The following PCDH15 variants were observed in gnomAD, a reference collection of about 807,000 sequenced individuals.
PCDH15 encodes the protein protocadherin-15.
PCDH15 carries 129 observed loss-of-function variants against 178.5 expected under a neutral mutation model. The observed-to-expected ratio is 0.72, with a 90% CI of 0.63 to 0.84. PCDH15 has a LOEUF of 0.84. Ranked by LOEUF, PCDH15 falls within the 40% of genes least tolerant of loss-of-function variation. The pLI, the probability that PCDH15 is intolerant of heterozygous loss-of-function variation, is 0.00. For missense variants in PCDH15, 2,230 were observed against 2,099.9 expected, an observed-to-expected ratio of 1.06 and a Z score of -1.21; for synonymous variants, 800 against 732.0, an observed-to-expected ratio of 1.09 and a Z score of -1.50.
chr10:54,494,893 C>T (rs895380156), intron 3 of PCDH15, among the ~76,000 whole-genome samples: 1 of 152,078 alleles, frequency 6.6e-6, no homozygotes, highest in South Asian at 2.1e-4. Context: ...TTGCTCAATT[C>T]TGGAGGCCCT....
chr10:55,054,247 A>T (rs984352619), intron 2 of PCDH15, among the ~76,000 whole-genome samples: 1 of 152,146 alleles, frequency 6.6e-6, no homozygotes, highest in Admixed American at 6.5e-5. Context: ...TTCATCATTT[A>T]GCTCTCACTT....
At chr10:54,202,577 C>G (rs1232895273) in intron 10 of PCDH15, among the ~76,000 whole-genome samples, 6 of 152,060 alleles carry the variant, frequency 3.9e-5, no homozygotes, top group Non-Finnish European at 8.8e-5. Context: ...CTTTGGGAGG[C>G]TGAGGCAGGT....
At chr10:54,561,011 A>G (rs1185791944) in intron 2 of PCDH15, among the ~76,000 whole-genome samples, 1 of 152,190 alleles carries the variant, frequency 6.6e-6, no homozygotes, top group Non-Finnish European at 1.5e-5. Flanking sequence ...TCACTGGATT[A>G]GAAACTCTGT....
intron 2 of PCDH15, among the ~76,000 whole-genome samples, chr10:55,444,849 T>C (rs1839279759): frequency 6.6e-6 from 1 of 152,134 alleles, no homozygotes; most frequent in Non-Finnish European, 1.5e-5. Flanking sequence ...CAAATATATT[T>C]GCTAGCACTG....
At chr10:53,826,333 C>T (rs970063246) in intron 32 of PCDH15, among the ~76,000 whole-genome samples, 13 of 151,842 alleles carry the variant, frequency 8.6e-5, no homozygotes, top group Admixed American at 7.9e-4. Flanking sequence ...CTAAACAAAA[C>T]CTTGTATAAC....
At chr10:54,816,318 G>T (rs1022293045) in intron 3 of PCDH15, among the ~76,000 whole-genome samples, 3 of 151,948 alleles carry the variant, frequency 2.0e-5, no homozygotes, top group African/African-American at 7.2e-5. Flanking sequence ...GCAGAAAATT[G>T]GTAATGGATA....
intron 2 of PCDH15, among the ~76,000 whole-genome samples, chr10:55,590,876 G>A (rs753493831): frequency 1.9e-4 from 29 of 152,026 alleles, no homozygotes; most frequent in Admixed American, 3.9e-4. Flanking sequence ...ATAGAAGTAA[G>A]CAAGTTTAAT....
chr10:53,932,475 A>G (rs2085148946), intron 25 of PCDH15, among the ~76,000 whole-genome samples: 1 of 152,184 alleles, frequency 6.6e-6, no homozygotes, highest in South Asian at 2.1e-4. Flanking sequence ...TGTCTCAAAC[A>G]TGGATTTGCT....
chr10:53,888,702 T>TA lies in PCDH15; in HGVS notation c.3501+14540dup, dbSNP rs756679531. Among the ~76,000 whole-genome samples, 251 of 46,200 alleles carry TA rather than the reference T, an allele frequency of 5.4e-3. 73 individuals are homozygous for TA. The East Asian group carries it at 0.077, about 14-fold the overall frequency. The allele number at this position is 46,200 out of a possible 152,430, so 30.3% of individuals were successfully genotyped here. ...ATATATATATATATATATATATATA[T>TA]ATCTCCTGTGGAAATTGATAAGCTG... is the stretch of plus-strand genomic sequence containing the variant. On this transcript the variant is annotated intron_variant, in intron 26 of 37. Coordinates refer to ENST00000644397, the MANE Select transcript of PCDH15 (RefSeq NM_001384140.1).
chr10:54,148,779 C>T (rs749786662), intron 14 of PCDH15, among the ~76,000 whole-genome samples: 30 of 151,884 alleles, frequency 2.0e-4, no homozygotes, highest in Admixed American at 2.0e-4. Context: ...TTCTTCCTAA[C>T]ATACCCAGTT....
chr10:53,894,834 A>G (rs1409998590), intron 26 of PCDH15, among the ~76,000 whole-genome samples: 1 of 152,186 alleles, frequency 6.6e-6, no homozygotes, highest in East Asian at 1.9e-4. Flanking sequence ...GCACAGAGTG[A>G]TGGAGCATAA....
intron 1 of PCDH15, among the ~76,000 whole-genome samples, chr10:54,724,707 C>A (rs112285651): frequency 0.12 from 18,432 of 150,804 alleles, 1,250 homozygotes; most frequent in African/African-American, 0.17. Flanking sequence ...ATAAACGACT[C>A]AACAGAAAAG....
chr10:54,819,171 A>G (rs539301518), intron 3 of PCDH15, among the ~76,000 whole-genome samples: 3 of 152,066 alleles, frequency 2.0e-5, no homozygotes, highest in African/African-American at 7.2e-5. Context: ...TGAAGACTTG[A>G]TTAGATATAC....
chr10:55,560,632 T>C (rs1842178693), intron 2 of PCDH15, among the ~76,000 whole-genome samples: 1 of 151,914 alleles, frequency 6.6e-6, no homozygotes, highest in Non-Finnish European at 1.5e-5. Flanking sequence ...TTGTCATCTG[T>C]AAATCAATTC....
chr10:55,539,156 C>G (rs570176938), intron 2 of PCDH15, among the ~76,000 whole-genome samples: 107 of 151,544 alleles, frequency 7.1e-4, no homozygotes, highest in African/African-American at 2.3e-3. Context: ...TATTTAACAT[C>G]TCTTTTCCCT....
In PCDH15 at chr10:53,921,156, C is replaced by T. The variant is rs544207704; in HGVS notation, c.3373+17659G>A. Reference sequence around the variant, plus strand: ...TCCAAGCATTATCTTTAATCTTCTCCCAAACTTCTGAGAGGAGAAAATAGT... The same window carrying T: ...TCCAAGCATTATCTTTAATCTTCTCTCAAACTTCTGAGAGGAGAAAATAGT... On this transcript the variant is annotated intron_variant, in intron 25 of 37. Transcript: ENST00000644397. Among the ~76,000 whole-genome samples, 134 of 152,128 alleles carry T rather than the reference C, an allele frequency of 8.8e-4. 1 individual carries two copies. The highest frequency in any genetic ancestry group is 1.3e-3 in the Non-Finnish European group (89 of 67,992).
At chr10:54,104,531 G>A (rs2094872540) in intron 15 of PCDH15, among the ~76,000 whole-genome samples, 1 of 152,094 alleles carries the variant, frequency 6.6e-6, no homozygotes, top group South Asian at 2.1e-4. Flanking sequence ...TGCTTCTGAA[G>A]CCAGGAGTTA....
intron 3 of PCDH15, among the ~76,000 whole-genome samples, chr10:54,880,773 A>G (rs1294468625): frequency 6.7e-6 from 1 of 149,456 alleles, no homozygotes. Flanking sequence ...AGAGAAGTGC[A>G]TACTAGATTC....
intron 2 of PCDH15, among the ~76,000 whole-genome samples, chr10:55,559,224 C>T (rs891298606): frequency 4.0e-5 from 6 of 151,804 alleles, no homozygotes; most frequent in East Asian, 1.9e-4. Context: ...CCAATATAGT[C>T]GATGGGCCTA....
Sources: allele counts gnomAD v4.1 joint callset (sites outside exome capture counted in the v4.1 genomes callset), GRCh38; gene constraint gnomAD v4.1.1; transcripts MANE v1.5; gene names NCBI Gene and HGNC (gene_info 2026-07-23, HGNC 2026-07-21).